The following TTLL4 variants were observed in gnomAD, a reference collection of about 807,000 sequenced individuals.
The protein encoded by TTLL4 is tubulin monoglutamylase TTLL4.
In TTLL4, 85 loss-of-function variants were observed where a neutral mutation model predicts 122.7. That is an observed-to-expected ratio of 0.69 (90% CI 0.58 to 0.83). The LOEUF (loss-of-function observed/expected upper bound fraction) is 0.83. Ranked by LOEUF, TTLL4 falls within the 40% of genes least tolerant of loss-of-function variation. TTLL4 has a pLI of 0.00. For missense variants in TTLL4, 1,363 were observed against 1,488.6 expected (o/e 0.92, Z 1.39); for synonymous variants, 553 against 563.0 (o/e 0.98, Z 0.25).
At position 218,754,170 on chromosome 2, in the gene TTLL4, T is replaced by A. The variant is rs762013197; in HGVS notation, c.3381T>A (p.Ser1127=). The A allele has an allele frequency of 2.5e-6, 4 of 1,614,178 alleles. No individual in the cohort carries two copies. The highest frequency in any genetic ancestry group is 1.7e-5 in the Admixed American group (1 of 60,010). ...QSSCEVSLLL[S]EDGTTPKSKK... The stretch of plus-strand genomic sequence containing the variant: ...CCTGTGAGGTTAGCCTACTACTCTC[T>A]GAAGACGGGACCACGCCCAAATCCA... Residue 1127 remains serine, a synonymous_variant, in exon 20 of 20, where the codon TCT becomes TCA. Coordinates refer to ENST00000392102, the MANE Select transcript of TTLL4 (RefSeq NM_014640.5).
downstream of TTLL4, among the ~76,000 whole-genome samples, chr2:218,757,777 G>A (rs1415369061): frequency 6.6e-6 from 1 of 152,148 alleles, no homozygotes; most frequent in African/African-American, 2.4e-5. Flanking sequence ...TGGACACAAA[G>A]ACCTTTCTAC....
chr2:218,755,909 G>T (rs1438629494), downstream of TTLL4, among the ~76,000 whole-genome samples: 1 of 152,166 alleles, frequency 6.6e-6, no homozygotes, highest in Non-Finnish European at 1.5e-5. Context: ...TGTTTGGCCG[G>T]TCCTAAGGCC....
chr2:218,752,098 G>A (rs1943036637), intron 16 of TTLL4, among the ~76,000 whole-genome samples: 1 of 151,906 alleles, frequency 6.6e-6, no homozygotes, highest in African/African-American at 2.4e-5. Flanking sequence ...AGTAGAGATG[G>A]GGTTTCTCCA....
chr2:218,718,302 A>T (rs1290160849), intron 1 of TTLL4, among the ~76,000 whole-genome samples: 1 of 152,146 alleles, frequency 6.6e-6, no homozygotes, highest in Non-Finnish European at 1.5e-5. Context: ...CTAGAAATAG[A>T]TACCTTGTCC....
At chr2:218,736,249 A>C (rs977291381) in intron 2 of TTLL4, 1 of 152,268 alleles carries the variant, frequency 6.6e-6, no homozygotes, top group African/African-American at 2.4e-5. Context: ...TGCTGGGATT[A>C]CAGGTGTGAG....
chr2:218,746,926 G>C, intron 8 of TTLL4, 77 bp from the exon 9 acceptor site: 2 of 1,490,526 alleles, frequency 1.3e-6, no homozygotes, highest in Non-Finnish European at 1.8e-6. Context: ...AAGTTGGAAT[G>C]GTAGAATGAG....
rs1942884518 is a variant in TTLL4, at chr2:218,747,650, A to G, written c.2303A>G (p.Tyr768Cys). Residue 768 changes from tyrosine (Y) to cysteine (C), a missense_variant, in exon 11 of 20, where the codon TAT becomes TGT. Physicochemically the swap from Tyr to Cys is radical, Grantham distance 194. Around this residue, in one of 3 missense-constraint regions of TTLL4, gnomAD observed 596 missense variants for 655.8 expected, o/e 0.91. Coordinates refer to ENST00000392102, the MANE Select transcript of TTLL4 (RefSeq NM_014640.5). The surrounding 1 kb of genome is among the most constrained non-coding windows in gnomAD (Gnocchi z 4.7). ...ISGSKFDLRI[Y>C]VYVTSYDPLR... ...GGCAGCAAGTTTGACCTGCGGATCT[A>G]TGTTTATGTCACTTCCTACGATCCT... is the stretch of plus-strand genomic sequence containing the variant. The G allele has an allele frequency of 6.2e-7, 1 of 1,614,158 alleles. No homozygotes were observed. Among genetic ancestry groups the G allele is most frequent in the Non-Finnish European group, 8.5e-7 (1 of 1,180,026 alleles).
intron 1 of TTLL4, among the ~76,000 whole-genome samples, chr2:218,725,176 G>C (rs1341065686): frequency 6.6e-6 from 1 of 152,086 alleles, no homozygotes; most frequent in African/African-American, 2.4e-5. Flanking sequence ...CAAAGTGCAA[G>C]CATGAGCCAC....
chr2:218,718,063 A>G (rs1259632463), intron 1 of TTLL4, among the ~76,000 whole-genome samples: 1 of 152,184 alleles, frequency 6.6e-6, no homozygotes, highest in African/African-American at 2.4e-5. Flanking sequence ...TGTTGGGATT[A>G]CAGGCGTGAG....
chr2:218,758,825 T>C (rs569760740), downstream of TTLL4, among the ~76,000 whole-genome samples: 13 of 152,346 alleles, frequency 8.5e-5, no homozygotes, highest in Admixed American at 5.9e-4. Flanking sequence ...AATTCCACTC[T>C]TGCAGGCAAA....
At chr2:218,755,778 G>A (rs1943140012), downstream of TTLL4, among the ~76,000 whole-genome samples, 1 of 152,178 alleles carries the variant, frequency 6.6e-6, no homozygotes, top group Non-Finnish European at 1.5e-5. Flanking sequence ...TTCTCTCTGA[G>A]CTTTGGAAAG....
rs1361927096 is a variant in TTLL4 at position 218,737,758 on chromosome 2, G to A, written c.82G>A (p.Val28Ile). The A allele has an allele frequency of 6.2e-7, 1 of 1,614,002 alleles. No homozygotes were observed. The highest frequency in any genetic ancestry group is 8.5e-7 in the Non-Finnish European group (1 of 1,179,860). Residue 28 changes from valine to isoleucine, a missense_variant, in exon 3 of 20, where the codon GTA becomes ATA. This residue lies in a region of TTLL4 where 760 missense variants were observed against 808.4 expected (regional missense o/e 0.94). Coordinates refer to ENST00000392102, the MANE Select transcript of TTLL4 (RefSeq NM_014640.5). ...CAAGCAGAGTGGTCCCTCAGGCACA[G>A]TACCTGCCACGCCACCTGAGAAACC... Reference protein sequence around the residue: ...SFKQSGPSGTVPATPPEKPSE... With the variant: ...SFKQSGPSGTIPATPPEKPSE...
intron 1 of TTLL4, among the ~76,000 whole-genome samples, chr2:218,716,272 A>T (rs1941854265): frequency 6.6e-6 from 1 of 152,236 alleles, no homozygotes; most frequent in Non-Finnish European, 1.5e-5. Context: ...ACCTTTGCCA[A>T]ATAATGACGT....
At chr2:218,725,535 T>C (rs1027041770) in intron 1 of TTLL4, among the ~76,000 whole-genome samples, 1 of 152,122 alleles carries the variant, frequency 6.6e-6, no homozygotes, top group Non-Finnish European at 1.5e-5. Context: ...ACTATTTGTG[T>C]CTCAATTTAC....
chr2:218,714,698 T>C (rs1941808302), intron 1 of TTLL4, among the ~76,000 whole-genome samples: 1 of 152,026 alleles, frequency 6.6e-6, no homozygotes, highest in South Asian at 2.1e-4. Context: ...TTTCTTTATG[T>C]ACTTGAAAAA....
chr2:218,748,369 T>C, intron 12 of TTLL4, 142 bp downstream of exon 12: 2 of 1,328,562 alleles, frequency 1.5e-6, no homozygotes, highest in Non-Finnish European at 2.0e-6. Context: ...ATTGGTCTAT[T>C]TGAGGCCGGA....
intron 3 of TTLL4, 36 bp downstream of exon 3, chr2:218,739,199 T>G (rs1942631016): frequency 6.3e-7 from 1 of 1,579,142 alleles, no homozygotes. Context: ...TTTAGAGCAG[T>G]AGAATGTATA....
At position 218,747,597 on chromosome 2, in the gene TTLL4, G is replaced by A. The variant is rs1237554660; in HGVS notation, c.2250G>A (p.Arg750=). The change falls in exon 11 of 20, where the codon AGG becomes AGA. Residue 750 remains arginine, a splice_region_variant and synonymous_variant. Coordinates refer to ENST00000392102, the MANE Select transcript of TTLL4 (RefSeq NM_014640.5). This position sits in a 1 kb window ranked among gnomAD's most constrained non-coding sequence, Gnocchi z 4.7. The stretch of plus-strand genomic sequence containing the variant: ...AGAAGCTGGCCTTTGTCCTATGTAG[G>A]TATCTACACAAACCCTACCTCATCA... ...LPKRRPLLVQ[R]YLHKPYLISG... 6.2e-7 allele frequency: 1 copy of A among 1,613,828 alleles called. No individual in the cohort carries two copies.
At position 218,738,018 on chromosome 2, in the gene TTLL4, C is replaced by G. The variant is rs1942579231; in HGVS notation, c.342C>G (p.Ser114Arg). The G allele has an allele frequency of 6.2e-7, 1 of 1,614,082 alleles. No homozygotes were observed. Among genetic ancestry groups the G allele is most frequent in the African/African-American group, 1.3e-5 (1 of 74,948 alleles). Reference protein sequence around the residue: ...YLHSLPDLFNSTLLYRRSSYR... With the variant: ...YLHSLPDLFNRTLLYRRSSYR... ...ACTCTCTCCCGGACTTGTTCAACAG[C>G]ACCCTGCTATACCGCCGCTCCAGCT... is the stretch of plus-strand genomic sequence containing the variant. The change falls in exon 3 of 20, where the codon AGC becomes AGG. Residue 114 changes from serine to arginine, a missense_variant. Physicochemically the swap from Ser to Arg is moderately radical, Grantham distance 110 (BLOSUM62 -1). This residue lies in a region of TTLL4 where 760 missense variants were observed against 808.4 expected (regional missense o/e 0.94). Transcript: ENST00000392102.
Sources: allele counts gnomAD v4.1 joint callset (sites outside exome capture counted in the v4.1 genomes callset), GRCh38; gene constraint gnomAD v4.1.1; regional missense constraint gnomAD v4.1.1; non-coding constraint Gnocchi (gnomAD v3.1); transcripts MANE v1.5; gene names NCBI Gene and HGNC (gene_info 2026-07-23, HGNC 2026-07-21).